FOXP2: variants seen among roughly 807,000 people sequenced by gnomAD.
FOXP2 encodes the protein forkhead box P2.
In FOXP2, 12 loss-of-function variants were observed where a neutral mutation model predicts 115.8. That is an observed-to-expected ratio of 0.10 (90% CI 0.07 to 0.17). The LOEUF is 0.17. FOXP2 is among the 10% of genes least tolerant of loss of function. FOXP2 has a pLI of 1.00. For missense variants in FOXP2, 629 were observed against 843.5 expected, an observed-to-expected ratio of 0.75 and a Z score of 3.15; for synonymous variants, 328 against 297.7, an observed-to-expected ratio of 1.10 and a Z score of -1.05.
At chr7:114,679,405 C>T (rs1382985364) in intron 16 of FOXP2, among the ~76,000 whole-genome samples, 2 of 152,210 alleles carry the variant, frequency 1.3e-5, no homozygotes, top group Admixed American at 1.3e-4. Context: ...TTAGTAAGTT[C>T]CCATTTGGCA....
intron 2 of FOXP2, among the ~76,000 whole-genome samples, chr7:114,519,120 C>T (rs1456674958): frequency 6.6e-6 from 1 of 151,994 alleles, no homozygotes; most frequent in Non-Finnish European, 1.5e-5. Context: ...CTCATGTTTC[C>T]AAGACACATT....
At chr7:114,256,350 G>A (rs574725935) in intron 1 of FOXP2, among the ~76,000 whole-genome samples, 60 of 152,082 alleles carry the variant, frequency 3.9e-4, no homozygotes, top group African/African-American at 1.3e-3. Flanking sequence ...CAGGTGATCC[G>A]CCCACCTTGG....
At chr7:114,389,759 C>A (rs1792541297) in intron 2 of FOXP2, among the ~76,000 whole-genome samples, 1 of 152,256 alleles carries the variant, frequency 6.6e-6, no homozygotes, top group African/African-American at 2.4e-5. Context: ...CGCAGTGGCT[C>A]ATGCCTGTAA....
rs564387823 is a variant in FOXP2 at position 114,525,451 on chromosome 7, C to T, written c.169-9166C>T. On this transcript the variant is annotated intron_variant, in intron 2 of 16. Transcript: ENST00000350908. ...GAGGCAATATTCCAGAAGAAAATAC[C>T]GATATATTTATATGTCATCAGTGTA... 1.8e-4 allele frequency among the ~76,000 whole-genome samples: 27 copies of T among 152,122 alleles called. No homozygotes were observed. In the East Asian group the frequency reaches 3.7e-3, roughly 21 times the overall value.
At chr7:114,406,185 T>A (rs971247272) in intron 2 of FOXP2, among the ~76,000 whole-genome samples, 2 of 151,922 alleles carry the variant, frequency 1.3e-5, no homozygotes, top group African/African-American at 4.8e-5. Context: ...AAATTAAAAA[T>A]CAAGTGTTCA....
At chr7:114,294,879 C>CATACATACATACATGCATGCATGCATAT (rs1562858490) in intron 2 of FOXP2, among the ~76,000 whole-genome samples, 14 of 149,898 alleles carry the variant, frequency 9.3e-5, no homozygotes, top group Non-Finnish European at 1.6e-4. Context: ...TACATACATA[C>CATACATACATACATGCATGCATGCATAT]ATACATACAT....
At position 114,191,582 on chromosome 7, in the gene FOXP2, A is replaced by G. The variant is rs567695555; in HGVS notation, c.-102+28494A>G. 2.7e-4 allele frequency among the ~76,000 whole-genome samples: 41 copies of G among 152,294 alleles called. No homozygotes were observed. In the South Asian group the frequency reaches 7.9e-3, roughly 29 times the overall value. ...TGAAGAATTATGAACATATAACCTG[A>G]TTTGTTAACTTCTTTCTTTTTTGAC... is the stretch of plus-strand genomic sequence containing the variant. On this transcript the variant is annotated intron_variant, in intron 1 of 17. Transcript: ENST00000634411.
intron 1 of FOXP2, among the ~76,000 whole-genome samples, chr7:114,272,637 T>C (rs969137361): frequency 8.6e-5 from 13 of 152,020 alleles, no homozygotes; most frequent in Non-Finnish European, 1.0e-4. Flanking sequence ...TTTCATCCAT[T>C]AGGGTATTAA....
At chr7:114,584,153 C>T (rs971730261) in intron 3 of FOXP2, among the ~76,000 whole-genome samples, 3 of 152,216 alleles carry the variant, frequency 2.0e-5, no homozygotes, top group East Asian at 1.9e-4. Flanking sequence ...GATCCAAACT[C>T]AGGGCTCTCT....
chr7:114,220,422 T>G (rs1243466260), intron 1 of FOXP2, among the ~76,000 whole-genome samples: 1 of 152,190 alleles, frequency 6.6e-6, no homozygotes, highest in African/African-American at 2.4e-5. Context: ...TTATATTCCA[T>G]TTTTTCTCTT....
At chr7:114,400,020 C>A (rs1779507218) in intron 2 of FOXP2, among the ~76,000 whole-genome samples, 1 of 151,742 alleles carries the variant, frequency 6.6e-6, no homozygotes, top group Admixed American at 6.6e-5. Context: ...CCGCACCTGG[C>A]TAATCTCTGT....
chr7:114,345,049 C>A lies in FOXP2; in HGVS notation c.-11+56940C>A, dbSNP rs547930573. ...AAGTTACTTTACTTTAGAGTGAGGACGATTTGTTGTGACAAGAAATATAAA... is the reference window on the plus strand; with the variant it reads ...AAGTTACTTTACTTTAGAGTGAGGAAGATTTGTTGTGACAAGAAATATAAA... On this transcript the variant is annotated intron_variant, in intron 2 of 17. Transcript: ENST00000634411. Among the ~76,000 whole-genome samples the A allele has an allele frequency of 3.1e-3, 464 of 151,510 alleles. 3 individuals are homozygous for A. Among genetic ancestry groups the A allele is most frequent in the African/African-American group, 0.011 (444 of 41,366 alleles).
intron 2 of FOXP2, among the ~76,000 whole-genome samples, chr7:114,342,623 G>A (rs1397241421): frequency 3.3e-5 from 5 of 151,350 alleles, no homozygotes; most frequent in African/African-American, 1.2e-4. Flanking sequence ...GAGCTTGATT[G>A]ATAGGTGAAT....
chr7:114,491,116 C>A (rs1163645153), intron 2 of FOXP2, among the ~76,000 whole-genome samples: 2 of 152,176 alleles, frequency 1.3e-5, no homozygotes, highest in Non-Finnish European at 2.9e-5. Flanking sequence ...GTTTACAGAC[C>A]CACCAACAGT....
chr7:114,434,686 T>A (rs1392950893), intron 2 of FOXP2, among the ~76,000 whole-genome samples: 2 of 151,974 alleles, frequency 1.3e-5, no homozygotes, highest in African/African-American at 4.8e-5. Context: ...AAGAAAAAAA[T>A]TAGGAGGTAT....
rs550287608 is a variant in FOXP2 at position 114,254,756 on chromosome 7, G to A, written c.-101-33263G>A. 2.0e-5 allele frequency among the ~76,000 whole-genome samples: 3 copies of A among 152,294 alleles called. No individual in the cohort carries two copies. The South Asian group carries it at 6.2e-4, about 32-fold the overall frequency. On this transcript the variant is annotated intron_variant, in intron 1 of 17. Transcript: ENST00000634411. ...CATTCGAATTTCCTCCTTTAGCTCAGAGAAGTTTGATCGTCTGAAGCCTTC... is the reference window on the plus strand; with the variant it reads ...CATTCGAATTTCCTCCTTTAGCTCAAAGAAGTTTGATCGTCTGAAGCCTTC...
intron 2 of FOXP2, among the ~76,000 whole-genome samples, chr7:114,347,219 A>C (rs994764921): frequency 2.0e-5 from 3 of 151,908 alleles, no homozygotes; most frequent in African/African-American, 7.2e-5. Flanking sequence ...AATTGAAATT[A>C]TACTTTTGTT....
chr7:114,247,802 T>A (rs897247297), intron 1 of FOXP2, among the ~76,000 whole-genome samples: 1 of 152,080 alleles, frequency 6.6e-6, no homozygotes, highest in African/African-American at 2.4e-5. Context: ...AAGGGGTGAA[T>A]GAATAAAGAG....
chr7:114,442,838 T>C (rs1003156911), intron 2 of FOXP2, among the ~76,000 whole-genome samples: 1 of 152,160 alleles, frequency 6.6e-6, no homozygotes, highest in African/African-American at 2.4e-5. Flanking sequence ...GCCAAAAAAA[T>C]GGTGACATAA....
Sources: gnomAD v4.1 joint callset for allele counts (sites outside exome capture counted in the v4.1 genomes callset) on GRCh38, gnomAD v4.1.1 for gene constraint, MANE v1.5 for transcripts, NCBI Gene and HGNC (gene_info 2026-07-23, HGNC 2026-07-21) for gene names.